Variants in LIMA1 observed in about 807,000 individuals in gnomAD.
The protein encoded by LIMA1 is LIM domain and actin-binding protein 1.
LIMA1 carries 52 observed loss-of-function variants against 62.6 expected under a neutral mutation model. The observed-to-expected ratio is 0.83, with a 90% CI of 0.67 to 1.05. The LOEUF (loss-of-function observed/expected upper bound fraction) is 1.05, where lower values mean the gene tolerates loss of function less well. LIMA1 is among the 50% of genes least tolerant of loss of function. LIMA1 has a pLI of 0.00. For missense variants in LIMA1, 780 were observed against 902.2 expected (o/e 0.86, Z 1.74); for synonymous variants, 302 against 317.8 (o/e 0.95, Z 0.53).
chr12:50,217,493 CTT>C (rs76180466), intron 4 of LIMA1, among the ~76,000 whole-genome samples: 1 of 142,522 alleles, frequency 7.0e-6, no homozygotes, highest in Admixed American at 7.1e-5. Flanking sequence ...GAAGTAAAAT[CTT>C]TTTTTTTTTT....
chr12:50,242,864 G>T (rs1318115210), intron 2 of LIMA1, among the ~76,000 whole-genome samples: 2 of 152,166 alleles, frequency 1.3e-5, no homozygotes, highest in Non-Finnish European at 2.9e-5. Flanking sequence ...AGCCCTTAGG[G>T]TGTTCCAGTT....
intron 2 of LIMA1, among the ~76,000 whole-genome samples, chr12:50,247,419 G>A (rs895668288): frequency 9.2e-5 from 14 of 151,570 alleles, no homozygotes; most frequent in Non-Finnish European, 2.1e-4. Context: ...ACATGGAATG[G>A]CCATGTGTAG....
intron 1 of LIMA1, among the ~76,000 whole-genome samples, chr12:50,257,699 T>A (rs975188362): frequency 7.2e-5 from 11 of 152,212 alleles, no homozygotes; most frequent in Admixed American, 2.0e-4. Flanking sequence ...TCCTTTAAAA[T>A]AGTTACTTTT....
chr12:50,215,564 G>A (rs1288340629), intron 4 of LIMA1, among the ~76,000 whole-genome samples: 1 of 152,066 alleles, frequency 6.6e-6, no homozygotes, highest in Admixed American at 6.6e-5. Flanking sequence ...CCGCCTCCCG[G>A]GTTCACGCCA....
Position 50,199,287 on chromosome 12 carries a change from C to T in LIMA1, c.972+1490G>A, listed in dbSNP as rs12321413. 2.0e-3 allele frequency among the ~76,000 whole-genome samples: 308 copies of T among 152,212 alleles called. 1 individual carries two copies. The highest frequency in any genetic ancestry group is 6.6e-3 in the African/African-American group (272 of 41,522). On this transcript the variant is annotated intron_variant, in intron 7 of 10. Transcript: ENST00000341247. The stretch of plus-strand genomic sequence containing the variant: ...TGGAGGTTGTAGTGAGCTGAGATCA[C>T]GCCACTGCACTCCAGCCTGGGTGAC...
chr12:50,274,536 C>T (rs1210587912), intron 1 of LIMA1, among the ~76,000 whole-genome samples: 1 of 151,490 alleles, frequency 6.6e-6, no homozygotes, highest in East Asian at 1.9e-4. Flanking sequence ...GAGTCAAGAT[C>T]GTGCCATTCC....
At chr12:50,270,211 G>A (rs1942189866) in intron 1 of LIMA1, among the ~76,000 whole-genome samples, 1 of 141,638 alleles carries the variant, frequency 7.1e-6, no homozygotes, top group South Asian at 2.2e-4. Context: ...CTCTAGCCTG[G>A]GCAACAAGAG....
chr12:50,221,943 A>C, intron 4 of LIMA1, 78 bp downstream of exon 4: 1 of 1,285,572 alleles, frequency 7.8e-7, no homozygotes, highest in Non-Finnish European at 1.1e-6. Context: ...CCTCTACTCA[A>C]AATAGCTAGA....
At position 50,281,069 on chromosome 12, in the gene LIMA1, T is replaced by G. The variant is rs111942802; in HGVS notation, c.-24+2351A>C. On this transcript the variant is annotated intron_variant, in intron 1 of 10. Coordinates refer to ENST00000341247, the MANE Select transcript of LIMA1 (RefSeq NM_016357.5). ...GCCTGAAACTAGTTTCACTGTCAAT[T>G]TAAATAATAAATTCTTCCAATTTGT... Among the ~76,000 whole-genome samples the G allele has an allele frequency of 2.0e-3, 307 of 152,312 alleles. 1 individual carries two copies. Among genetic ancestry groups the G allele is most frequent in the African/African-American group, 7.0e-3 (291 of 41,576 alleles).
At chr12:50,270,252 A>G (rs1189306437) in intron 1 of LIMA1, among the ~76,000 whole-genome samples, 1 of 150,796 alleles carries the variant, frequency 6.6e-6, no homozygotes, top group African/African-American at 2.4e-5. Context: ...AAAAAAAAAA[A>G]AAAAAAAGGG....
intron 2 of LIMA1, among the ~76,000 whole-genome samples, chr12:50,248,176 A>G (rs1941876802): frequency 6.6e-6 from 1 of 152,222 alleles, no homozygotes; most frequent in Non-Finnish European, 1.5e-5. Flanking sequence ...CCACCTATAT[A>G]GTGGCTACCA....
intron 1 of LIMA1, among the ~76,000 whole-genome samples, chr12:50,259,514 A>T (rs2138667954): frequency 6.6e-6 from 1 of 152,324 alleles, no homozygotes; most frequent in African/African-American, 2.4e-5. Flanking sequence ...CAGTCCCAAG[A>T]CTAGTTATGA....
intron 1 of LIMA1, among the ~76,000 whole-genome samples, chr12:50,251,257 T>A (rs1941926163): frequency 6.6e-6 from 1 of 152,170 alleles, no homozygotes; most frequent in South Asian, 2.1e-4. Flanking sequence ...CCAATATAGT[T>A]GTGGGTATAA....
At chr12:50,223,509 C>G (rs1362570145) in intron 3 of LIMA1, among the ~76,000 whole-genome samples, 1 of 150,750 alleles carries the variant, frequency 6.6e-6, no homozygotes, top group South Asian at 2.1e-4. Flanking sequence ...AAAAAATTCT[C>G]AGTTATCAAG....
intron 2 of LIMA1, among the ~76,000 whole-genome samples, chr12:50,247,615 T>C (rs1442122759): frequency 1.4e-5 from 2 of 147,264 alleles, no homozygotes; most frequent in Admixed American, 1.4e-4. Context: ...ATTATTATTA[T>C]TATTATTATT....
chr12:50,226,846 A>G (rs1941536927), intron 3 of LIMA1, among the ~76,000 whole-genome samples: 1 of 151,904 alleles, frequency 6.6e-6, no homozygotes, highest in African/African-American at 2.4e-5. Context: ...TGAAAAAAAA[A>G]AAAAAAGATT....
At chr12:50,234,022 G>A (rs1006802016) in intron 2 of LIMA1, 2 of 425,916 alleles carry the variant, frequency 4.7e-6, no homozygotes, top group Non-Finnish European at 4.7e-6. Context: ...TGACATCTTA[G>A]ATTTCATAAA....
intron 6 of LIMA1, 151 bp from the exon 7 acceptor site, chr12:50,201,035 C>G: frequency 7.0e-7 from 1 of 1,428,788 alleles, no homozygotes. Context: ...AAGCAAAACC[C>G]ACTGACTAGT....
chr12:50,261,865 T>C (rs1254568797), intron 1 of LIMA1, among the ~76,000 whole-genome samples: 1 of 152,184 alleles, frequency 6.6e-6, no homozygotes, highest in Admixed American at 6.5e-5. Flanking sequence ...CACTGTATTT[T>C]AACTTGCAGA....
Sources: gnomAD v4.1 joint callset for allele counts (sites outside exome capture counted in the v4.1 genomes callset) on GRCh38, gnomAD v4.1.1 for gene constraint, MANE v1.5 for transcripts, NCBI Gene and HGNC (gene_info 2026-07-23, HGNC 2026-07-21) for gene names.